The following PLPP4 variants were observed in gnomAD, a reference collection of about 807,000 sequenced individuals.
PLPP4 encodes the protein phospholipid phosphatase 4.
Under a neutral mutation model 32.2 loss-of-function variants are expected in PLPP4, and 20 were observed. The observed-to-expected ratio is 0.62, with a 90% CI of 0.44 to 0.90. The LOEUF is 0.90. Among genes scored for constraint, PLPP4 ranks in the 40% least tolerant of loss-of-function variants. PLPP4 has a pLI of 0.00. For missense variants in PLPP4, 257 were observed against 353.1 expected, an observed-to-expected ratio of 0.73 and a Z score of 2.18; for synonymous variants, 127 against 133.0, an observed-to-expected ratio of 0.95 and a Z score of 0.31.
chr10:120,508,668 C>T (rs1845606549), intron 2 of PLPP4, among the ~76,000 whole-genome samples: 1 of 152,096 alleles, frequency 6.6e-6, no homozygotes, highest in South Asian at 2.1e-4. Flanking sequence ...GATTGACGCC[C>T]CTTCCTGTGT....
At chr10:120,467,113 C>G (rs991055833) in intron 1 of PLPP4, among the ~76,000 whole-genome samples, 1 of 149,672 alleles carries the variant, frequency 6.7e-6, no homozygotes, top group Non-Finnish European at 1.5e-5. Flanking sequence ...GAGTCTTGCT[C>G]TGTCGCCCAG....
chr10:120,589,503 C>G lies in PLPP4; in HGVS notation c.*1C>G, dbSNP rs752950823. 3.7e-6 allele frequency: 6 copies of G among 1,613,038 alleles called. No individual in the cohort carries two copies. The highest frequency in any genetic ancestry group is 5.1e-6 in the Non-Finnish European group (6 of 1,179,478). On this transcript the variant is annotated 3_prime_UTR_variant, in exon 7 of 7. Transcript: ENST00000398250. ...GGGGATCACCGAAGGCCCGGTATGA[C>G]CAGTGTCCTGGGAGGATGGACACTA...
chr10:120,499,106 A>T (rs552873324), intron 1 of PLPP4, among the ~76,000 whole-genome samples: 4 of 152,298 alleles, frequency 2.6e-5, no homozygotes, highest in Admixed American at 6.5e-5. Flanking sequence ...AAATGGTTTT[A>T]CCCACCTTCT....
chr10:120,555,668 T>C, intron 5 of PLPP4, among the ~76,000 whole-genome samples: 1 of 152,216 alleles, frequency 6.6e-6, no homozygotes, highest in East Asian at 1.9e-4. Context: ...GCGTAGTGCC[T>C]GCCTGTTTGA....
rs114137644 is a variant in PLPP4, at chr10:120,473,855, C to T, written c.56+16494C>T. On this transcript the variant is annotated intron_variant, in intron 1 of 6. Transcript: ENST00000398250. ...ATGACTGTAAGTTTCCAGGAGCCTC[C>T]CCAGCCATGCTCCCTGTACAGTGGA... is the stretch of plus-strand genomic sequence containing the variant. 3.6e-3 allele frequency among the ~76,000 whole-genome samples: 543 copies of T among 152,274 alleles called. 1 individual carries two copies. Among genetic ancestry groups the T allele is most frequent in the African/African-American group, 0.012 (487 of 41,562 alleles).
chr10:120,555,107 G>C (rs1848094681), intron 5 of PLPP4, among the ~76,000 whole-genome samples: 1 of 152,060 alleles, frequency 6.6e-6, no homozygotes, highest in Non-Finnish European at 1.5e-5. Flanking sequence ...GGGTGGAAGA[G>C]AGTGGGGAAA....
At chr10:120,553,376 C>G (rs1275251801) in intron 5 of PLPP4, among the ~76,000 whole-genome samples, 1 of 152,104 alleles carries the variant, frequency 6.6e-6, no homozygotes, top group Non-Finnish European at 1.5e-5. Context: ...AAAAGAAGCT[C>G]CAGAAAGCTC....
chr10:120,512,673 C>T (rs1428320260), intron 2 of PLPP4, among the ~76,000 whole-genome samples: 3 of 152,160 alleles, frequency 2.0e-5, no homozygotes, highest in South Asian at 2.1e-4. Flanking sequence ...ATTAGCTGGG[C>T]GTGGTGGTGT....
chr10:120,586,689 C>A (rs1051197509), intron 6 of PLPP4, among the ~76,000 whole-genome samples: 1 of 152,174 alleles, frequency 6.6e-6, no homozygotes, highest in Admixed American at 6.5e-5. Context: ...CATAATTATG[C>A]TGTGAGCAAG....
chr10:120,495,513 C>G (rs12219852), intron 1 of PLPP4, among the ~76,000 whole-genome samples: 3,225 of 152,250 alleles, frequency 0.021, 80 homozygotes, highest in Admixed American at 0.066. Context: ...AGCTTTTCCC[C>G]ATTGCCCGAG....
chr10:120,577,819 G>A (rs962481690), intron 6 of PLPP4, among the ~76,000 whole-genome samples: 3 of 152,074 alleles, frequency 2.0e-5, no homozygotes, highest in African/African-American at 7.2e-5. Flanking sequence ...AACTTCCCTT[G>A]GATGCTCTAA....
At chr10:120,476,078 T>C (rs899185567) in intron 1 of PLPP4, among the ~76,000 whole-genome samples, 1 of 152,152 alleles carries the variant, frequency 6.6e-6, no homozygotes, top group African/African-American at 2.4e-5. Flanking sequence ...ACTGTCCACA[T>C]GGACAGCAGG....
intron 5 of PLPP4, among the ~76,000 whole-genome samples, chr10:120,566,888 G>A (rs1234633195): frequency 6.6e-6 from 1 of 152,034 alleles, no homozygotes; most frequent in Non-Finnish European, 1.5e-5. Context: ...TAGTCTTTGG[G>A]GTGCAAGATT....
intron 2 of PLPP4, among the ~76,000 whole-genome samples, chr10:120,507,940 G>A (rs1845572340): frequency 6.6e-6 from 1 of 152,188 alleles, no homozygotes; most frequent in South Asian, 2.1e-4. Flanking sequence ...AAGCCTTGAG[G>A]AATAGGTAAG....
At chr10:120,538,056 G>C (rs1239460959) in intron 5 of PLPP4, among the ~76,000 whole-genome samples, 8 of 108,540 alleles carry the variant, frequency 7.4e-5, no homozygotes, top group African/African-American at 1.8e-4. Flanking sequence ...CTCTCTCTGT[G>C]TGTGTGTGTG....
intron 5 of PLPP4, among the ~76,000 whole-genome samples, chr10:120,563,176 T>C (rs1848512393): frequency 6.6e-6 from 1 of 152,034 alleles, no homozygotes; most frequent in Admixed American, 6.6e-5. Flanking sequence ...GAGGCAGAGG[T>C]CGCGGTGTGC....
chr10:120,492,197 CCCAGGTTTACGTAGA>C (rs1389682028), intron 1 of PLPP4, among the ~76,000 whole-genome samples: 1 of 152,110 alleles, frequency 6.6e-6, no homozygotes, highest in African/African-American at 2.4e-5. Flanking sequence ...AGCTGCTGCA[CCCAGGTTTACGTAGA>C]CCAGGATTTT....
chr10:120,546,752 T>C (rs1248309626), intron 5 of PLPP4, among the ~76,000 whole-genome samples: 2 of 152,230 alleles, frequency 1.3e-5, no homozygotes, highest in East Asian at 3.9e-4. Context: ...TCTGGATTCA[T>C]GTTTCCAAAC....
intron 5 of PLPP4, among the ~76,000 whole-genome samples, chr10:120,531,348 ACCGCCTCAG>A (rs1846711404): frequency 6.6e-6 from 1 of 151,668 alleles, no homozygotes; most frequent in Non-Finnish European, 1.5e-5. Context: ...TCATGATCCG[ACCGCCTCAG>A]CCTCCTAAAG....
Sources: allele counts gnomAD v4.1 joint callset (sites outside exome capture counted in the v4.1 genomes callset), GRCh38; gene constraint gnomAD v4.1.1; transcripts MANE v1.5; gene names NCBI Gene and HGNC (gene_info 2026-07-23, HGNC 2026-07-21).